The following AGBL1 variants were observed in gnomAD, a reference collection of about 807,000 sequenced individuals.
AGBL1 encodes AGBL carboxypeptidase 1.
Under a neutral mutation model 118.9 loss-of-function variants are expected in AGBL1, and 130 were observed. The ratio of observed to expected loss-of-function variants is 1.09; its 90% CI spans 0.95 to 1.26. The LOEUF is 1.26. Ranked by LOEUF, AGBL1 falls within the 50% of genes most tolerant of loss-of-function variation. The probability of loss-of-function intolerance (pLI) is 0.00; values close to 1 mark genes in which losing one functional copy is unlikely to be tolerated. For synonymous variants in AGBL1, 555 were observed against 478.9 expected (o/e 1.16, Z -2.08); for missense variants, 1,584 against 1,298.1 (o/e 1.22, Z -3.38).
rs557240455 is a variant in AGBL1 at position 86,376,713 on chromosome 15, C to T, written c.2375-20653C>T. On this transcript the variant is annotated intron_variant, in intron 17 of 22. Transcript: ENST00000614907. ...TCTCCAGTTCCTCCAGAGCTTGGAA[C>T]GGCTAGGGCTAGAGCATGGCTCAAG... 3.3e-5 allele frequency among the ~76,000 whole-genome samples: 5 copies of T among 152,298 alleles called. No individual in the cohort carries two copies. The South Asian group carries it at 6.2e-4, about 19-fold the overall frequency.
intron 22 of AGBL1, among the ~76,000 whole-genome samples, chr15:86,810,493 G>T (rs2078773089): frequency 2.6e-5 from 4 of 151,968 alleles, no homozygotes. Context: ...CCTCTGAAAG[G>T]CCCCATTACT....
chr15:86,688,109 A>C (rs1480741813), intron 22 of AGBL1, among the ~76,000 whole-genome samples: 1 of 152,178 alleles, frequency 6.6e-6, no homozygotes, highest in Non-Finnish European at 1.5e-5. Flanking sequence ...GAGAAACAAC[A>C]AGCGCATGTC....
At chr15:86,137,248 C>A (rs2076901258) in intron 1 of AGBL1, among the ~76,000 whole-genome samples, 1 of 152,194 alleles carries the variant, frequency 6.6e-6, no homozygotes, top group Non-Finnish European at 1.5e-5. Context: ...GCATTATGAA[C>A]TGAACGTCTT....
intron 22 of AGBL1, among the ~76,000 whole-genome samples, chr15:86,736,059 A>C (rs2077592614): frequency 6.6e-6 from 1 of 152,116 alleles, no homozygotes; most frequent in African/African-American, 2.4e-5. Context: ...AGAGCTCAGC[A>C]TTGCAAAGGA....
In AGBL1 at chr15:86,262,782, A is replaced by T; in HGVS notation, c.974A>T (p.Asp325Val). The change falls in exon 10 of 23, where the codon GAT becomes GTT. Residue 325 changes from aspartate to valine, a missense_variant. By Grantham distance (152) the Asp-to-Val change is radical (BLOSUM62 -3). Coordinates refer to ENST00000614907, the MANE Select transcript of AGBL1 (RefSeq NM_001386094.1). Reference protein sequence around the residue: ...SDTEDGKVEDDDLETDVNKLS... With the variant: ...SDTEDGKVEDVDLETDVNKLS... ...TCTATGACTATTCCATTTTAGGATG[A>T]TGACTTGGAAACAGACGTGAACAAG... The T allele has an allele frequency of 5.0e-6, 8 of 1,598,926 alleles. No individual in the cohort carries two copies. The highest frequency in any genetic ancestry group is 6.8e-6 in the Non-Finnish European group (8 of 1,169,688).
chr15:86,793,931 A>G (rs1596486547), intron 22 of AGBL1, among the ~76,000 whole-genome samples: 1 of 152,222 alleles, frequency 6.6e-6, no homozygotes, highest in Non-Finnish European at 1.5e-5. Context: ...GATGACCATA[A>G]TAAAAAATAT....
chr15:86,708,331 C>G (rs529040141), intron 22 of AGBL1, among the ~76,000 whole-genome samples: 37 of 152,140 alleles, frequency 2.4e-4, no homozygotes, highest in Admixed American at 9.8e-4. Context: ...TAGGAGAGGT[C>G]ATTCTCTCTG....
At chr15:86,600,435 G>T (rs375642667) in intron 21 of AGBL1, among the ~76,000 whole-genome samples, 1 of 152,240 alleles carries the variant, frequency 6.6e-6, no homozygotes, top group Non-Finnish European at 1.5e-5. Context: ...ATATCTTAAA[G>T]GTCTTGCAAA....
chr15:86,395,837 G>A (rs1270635453), intron 17 of AGBL1, among the ~76,000 whole-genome samples: 4 of 151,782 alleles, frequency 2.6e-5, no homozygotes, highest in Non-Finnish European at 5.9e-5. Context: ...TAATTTTAAA[G>A]TGTTTTCTTT....
intron 21 of AGBL1, among the ~76,000 whole-genome samples, chr15:86,585,354 G>A (rs1430315781): frequency 1.3e-5 from 2 of 151,184 alleles, no homozygotes; most frequent in East Asian, 3.9e-4. Context: ...GTTTTCAAGT[G>A]TGCAAATACA....
chr15:86,532,403 G>A (rs1192067253), intron 19 of AGBL1, among the ~76,000 whole-genome samples: 21 of 140,504 alleles, frequency 1.5e-4, no homozygotes, highest in Admixed American at 1.3e-3. Context: ...CAACTTACAA[G>A]GGATGTGAAG....
rs115839797 is a variant in AGBL1 at position 86,831,752 on chromosome 15, C to T, written c.3159-75335C>T. On this transcript the variant is annotated intron_variant, in intron 22 of 22. Transcript: ENST00000614907. Reference sequence around the variant, plus strand: ...TGGTACAAGCTGTCAATGGATCTACCTTTCTGGGGTCTGGAGGGTGGTGGC... The same window carrying T: ...TGGTACAAGCTGTCAATGGATCTACTTTTCTGGGGTCTGGAGGGTGGTGGC... 8.0e-3 allele frequency among the ~76,000 whole-genome samples: 1,224 copies of T among 152,292 alleles called. 20 individuals carry two copies. Among genetic ancestry groups the T allele is most frequent in the African/African-American group, 0.028 (1,173 of 41,558 alleles).
intron 17 of AGBL1, among the ~76,000 whole-genome samples, chr15:86,391,058 A>G (rs1371809534): frequency 2.0e-5 from 3 of 150,692 alleles, no homozygotes; most frequent in African/African-American, 7.3e-5. Context: ...GCCAGAGGCT[A>G]GGGGTGGGGT....
At chr15:86,338,132 A>G (rs919819883) in intron 17 of AGBL1, among the ~76,000 whole-genome samples, 1 of 152,228 alleles carries the variant, frequency 6.6e-6, no homozygotes, top group African/African-American at 2.4e-5. Flanking sequence ...ACATGGGGAC[A>G]TGGGCTCTGA....
At chr15:86,628,156 C>T (rs186583401) in intron 21 of AGBL1, among the ~76,000 whole-genome samples, 4 of 152,172 alleles carry the variant, frequency 2.6e-5, no homozygotes, top group African/African-American at 9.7e-5. Context: ...GGGTTTGTTA[C>T]ATAGCTTGCT....
At chr15:86,486,227 T>C (rs1264516719) in intron 18 of AGBL1, among the ~76,000 whole-genome samples, 1 of 152,154 alleles carries the variant, frequency 6.6e-6, no homozygotes, top group Admixed American at 6.6e-5. Context: ...TCATGATTCC[T>C]GATCCATGCT....
intron 6 of AGBL1, among the ~76,000 whole-genome samples, chr15:86,225,972 A>C (rs2078355418): frequency 6.6e-6 from 1 of 152,132 alleles, no homozygotes; most frequent in Non-Finnish European, 1.5e-5. Context: ...ATGAGATGCA[A>C]GTCCACATCT....
intron 17 of AGBL1, among the ~76,000 whole-genome samples, chr15:86,395,034 A>G (rs2081342320): frequency 6.6e-6 from 1 of 152,142 alleles, no homozygotes; most frequent in Non-Finnish European, 1.5e-5. Flanking sequence ...ATGTAATATC[A>G]TAAGCACTTG....
chr15:86,257,228 T>G (rs552926690), intron 8 of AGBL1, among the ~76,000 whole-genome samples: 1 of 152,340 alleles, frequency 6.6e-6, no homozygotes, highest in East Asian at 1.9e-4. Flanking sequence ...GCTTATTTTG[T>G]TCTTCATTAT....
Sources: allele counts gnomAD v4.1 joint callset (sites outside exome capture counted in the v4.1 genomes callset), GRCh38; gene constraint gnomAD v4.1.1; transcripts MANE v1.5; gene names NCBI Gene and HGNC (gene_info 2026-07-23, HGNC 2026-07-21).